The following VEZT variants were observed in gnomAD, a reference collection of about 807,000 sequenced individuals.
VEZT encodes vezatin, adherens junctions transmembrane protein.
A neutral mutation model predicts 79.9 loss-of-function variants in VEZT; 39 were observed. That is an observed-to-expected ratio of 0.49 (90% CI 0.38 to 0.64). VEZT has a LOEUF of 0.64. Among genes scored for constraint, VEZT ranks in the 30% least tolerant of loss-of-function variants. The pLI, the probability that VEZT is intolerant of heterozygous loss-of-function variation, is 0.00. For synonymous variants in VEZT, 325 were observed against 327.6 expected, an observed-to-expected ratio of 0.99 and a Z score of 0.09; for missense variants, 837 against 893.1, an observed-to-expected ratio of 0.94 and a Z score of 0.80.
intron 9 of VEZT, among the ~76,000 whole-genome samples, chr12:95,291,733 C>CA (rs2072878479): frequency 6.6e-6 from 1 of 152,180 alleles, no homozygotes; most frequent in Non-Finnish European, 1.5e-5. Flanking sequence ...TTTGTAAAAG[C>CA]TATTACTGCA....
intron 1 of VEZT, among the ~76,000 whole-genome samples, chr12:95,223,699 C>T (rs188766705): frequency 2.0e-5 from 3 of 152,336 alleles, no homozygotes; most frequent in South Asian, 4.1e-4. Context: ...GATCCACCCA[C>T]CTCGGCCTAC....
At chr12:95,242,805 G>A (rs371281679) in intron 1 of VEZT, among the ~76,000 whole-genome samples, 45 of 150,916 alleles carry the variant, frequency 3.0e-4, no homozygotes, top group South Asian at 6.3e-4. Flanking sequence ...CCTGGGAGGC[G>A]GAGGTTGCAG....
At chr12:95,247,208 A>T (rs981542740) in intron 1 of VEZT, among the ~76,000 whole-genome samples, 1 of 152,226 alleles carries the variant, frequency 6.6e-6, no homozygotes, top group Non-Finnish European at 1.5e-5. Context: ...CTACGTTAAC[A>T]TTTAGCTATT....
chr12:95,277,861 G>T (rs2068112477), intron 7 of VEZT, among the ~76,000 whole-genome samples: 2 of 152,218 alleles, frequency 1.3e-5, no homozygotes, highest in Non-Finnish European at 2.9e-5. Context: ...CTTGGAGAAA[G>T]AATTATAGTA....
chr12:95,218,275 T>C, intron 1 of VEZT: 1 of 164,476 alleles, frequency 6.1e-6, no homozygotes, highest in Non-Finnish European at 1.3e-5. Context: ...GCGATTTTTT[T>C]GGGTCAGTAT....
intron 9 of VEZT, among the ~76,000 whole-genome samples, chr12:95,289,274 G>A (rs55977165): frequency 0.067 from 10,078 of 150,484 alleles, 447 homozygotes; most frequent in Middle Eastern, 0.12. Flanking sequence ...AAAATTAGCC[G>A]GGCATGGTGG....
chr12:95,276,781 A>G (rs1308884605), intron 7 of VEZT, among the ~76,000 whole-genome samples: 1 of 152,216 alleles, frequency 6.6e-6, no homozygotes, highest in Non-Finnish European at 1.5e-5. Context: ...CTAAATCAAC[A>G]TAAATGTTCT....
chr12:95,300,637 A>AATAGAAGAAAATAAAAATGAG lies in VEZT; in HGVS notation c.2316_2336dup (p.Asn772_Glu778dup). On this transcript the variant is annotated inframe_insertion, in exon 12 of 12. Coordinates refer to ENST00000436874, the MANE Select transcript of VEZT (RefSeq NM_017599.4). ...TTGGTGGTGAGGAGGAAGAACAAAT[A>AATAGAAGAAAATAAAAATGAG]ATAGAAGAAAATAAAAATGAGATAG... The AATAGAAGAAAATAAAAATGAG allele has an allele frequency of 6.3e-7, 1 of 1,593,990 alleles. No homozygotes were observed. Among genetic ancestry groups the AATAGAAGAAAATAAAAATGAG allele is most frequent in the Non-Finnish European group, 8.6e-7 (1 of 1,167,504 alleles).
chr12:95,272,280 G>T (rs551462823), intron 6 of VEZT, among the ~76,000 whole-genome samples: 1 of 152,284 alleles, frequency 6.6e-6, no homozygotes, highest in African/African-American at 2.4e-5. Flanking sequence ...GTGGGGTGCT[G>T]CTTTTTATTA....
intron 1 of VEZT, among the ~76,000 whole-genome samples, chr12:95,239,610 G>A (rs1027937634): frequency 6.6e-6 from 1 of 152,150 alleles, no homozygotes; most frequent in African/African-American, 2.4e-5. Context: ...AGTCTCAAGG[G>A]TGCATCAGGG....
chr12:95,240,022 AAGGAAGG>A (rs2060755412), intron 1 of VEZT, among the ~76,000 whole-genome samples: 1 of 16,372 alleles, frequency 6.1e-5, no homozygotes, highest in Non-Finnish European at 1.7e-4. Flanking sequence ...GAGAGAAAGA[AAGGAAGG>A]AAGGAAGGAA....
intron 10 of VEZT, among the ~76,000 whole-genome samples, chr12:95,294,747 A>G (rs1594225928): frequency 1.3e-5 from 2 of 152,180 alleles, no homozygotes; most frequent in African/African-American, 2.4e-5. Flanking sequence ...TAATGATCGC[A>G]TTGGATATTG....
intron 1 of VEZT, among the ~76,000 whole-genome samples, chr12:95,250,813 A>G (rs2062469997): frequency 6.6e-6 from 1 of 150,932 alleles, no homozygotes; most frequent in Non-Finnish European, 1.5e-5. Context: ...ATATAGTTAA[A>G]AGTATAAATG....
intron 7 of VEZT, among the ~76,000 whole-genome samples, chr12:95,278,209 TA>T (rs1281892077): frequency 6.6e-6 from 1 of 152,254 alleles, no homozygotes; most frequent in Non-Finnish European, 1.5e-5. Context: ...AGCTGATTTT[TA>T]AAATTCTATC....
intron 1 of VEZT, chr12:95,242,399 T>G (rs1179574599): frequency 6.6e-6 from 1 of 152,216 alleles, no homozygotes; most frequent in Non-Finnish European, 1.5e-5. Context: ...CTCTAATGGG[T>G]TTTTTCTGGT....
chr12:95,297,857 C>T (rs1051459458), intron 11 of VEZT, among the ~76,000 whole-genome samples: 1 of 152,166 alleles, frequency 6.6e-6, no homozygotes, highest in Admixed American at 6.5e-5. Flanking sequence ...CAGTGGCTCA[C>T]GCCTCTAATT....
chr12:95,264,018 A>G (rs2065037653), intron 4 of VEZT, among the ~76,000 whole-genome samples: 1 of 152,246 alleles, frequency 6.6e-6, no homozygotes, highest in African/African-American at 2.4e-5. Flanking sequence ...AAAGTACTTT[A>G]TTAAATTTGA....
chr12:95,261,415 A>T (rs2064459420), intron 3 of VEZT, among the ~76,000 whole-genome samples: 2 of 151,812 alleles, frequency 1.3e-5, no homozygotes, highest in Non-Finnish European at 2.9e-5. Flanking sequence ...TTTATTTTTT[A>T]TTTTTATTTT....
At chr12:95,244,233 A>G (rs1015269820) in intron 1 of VEZT, among the ~76,000 whole-genome samples, 4 of 152,050 alleles carry the variant, frequency 2.6e-5, no homozygotes, top group Admixed American at 6.6e-5. Context: ...TCTCTAAAAT[A>G]AAAAACAATT....
Sources: allele counts gnomAD v4.1 joint callset (sites outside exome capture counted in the v4.1 genomes callset), GRCh38; gene constraint gnomAD v4.1.1; transcripts MANE v1.5; gene names NCBI Gene and HGNC (gene_info 2026-07-23, HGNC 2026-07-21).